Variants in MCPH1 observed in about 807,000 individuals in gnomAD.
MCPH1 encodes microcephalin.
Under a neutral mutation model 84.5 loss-of-function variants are expected in MCPH1, and 104 were observed. The ratio of observed to expected loss-of-function variants is 1.23; its 90% confidence interval spans 1.05 to 1.45. The LOEUF (loss-of-function observed/expected upper bound fraction) is 1.45. Among genes scored for constraint, MCPH1 ranks in the 40% most tolerant of loss-of-function variants. The pLI is 0.00. For synonymous variants in MCPH1, 514 were observed against 366.8 expected, an observed-to-expected ratio of 1.40 and a Z score of -4.58; for missense variants, 1,498 against 1,005.7, an observed-to-expected ratio of 1.49 and a Z score of -6.62.
chr8:6,611,599 A>G (rs1294114430), intron 12 of MCPH1, among the ~76,000 whole-genome samples: 1 of 150,794 alleles, frequency 6.6e-6, no homozygotes, highest in Admixed American at 6.6e-5. Context: ...AAAGCTCCTG[A>G]ACCCTTTAAC....
intron 4 of MCPH1, 81 bp downstream of exon 4, chr8:6,431,667 C>G (rs1426755825): frequency 5.3e-6 from 5 of 945,134 alleles, no homozygotes; most frequent in Non-Finnish European, 8.2e-6. Flanking sequence ...AATAAAACTT[C>G]TAGAAATATA....
At chr8:6,416,212 A>G (rs1194953654) in intron 3 of MCPH1, among the ~76,000 whole-genome samples, 1 of 152,130 alleles carries the variant, frequency 6.6e-6, no homozygotes, top group Non-Finnish European at 1.5e-5. Flanking sequence ...TTCTATATGC[A>G]ATGTTGTGTA....
At chr8:6,571,569 C>G (rs1422824266) in intron 12 of MCPH1, among the ~76,000 whole-genome samples, 3 of 151,984 alleles carry the variant, frequency 2.0e-5, no homozygotes, top group African/African-American at 7.3e-5. Flanking sequence ...CTTGTTTAAT[C>G]TAAATTTATA....
At chr8:6,567,040 G>C (rs1370805583) in intron 12 of MCPH1, among the ~76,000 whole-genome samples, 2 of 145,550 alleles carry the variant, frequency 1.4e-5, no homozygotes, top group East Asian at 4.3e-4. Context: ...GTGACCATGT[G>C]TGATCGGCAA....
At chr8:6,433,140 G>A (rs893610451) in intron 4 of MCPH1, among the ~76,000 whole-genome samples, 11 of 152,098 alleles carry the variant, frequency 7.2e-5, no homozygotes, top group African/African-American at 2.4e-4. Context: ...ACTCTACTCA[G>A]TTTTCTGTAT....
chr8:6,416,004 T>G (rs1311934646), intron 3 of MCPH1, among the ~76,000 whole-genome samples: 1 of 152,208 alleles, frequency 6.6e-6, no homozygotes, highest in Non-Finnish European at 1.5e-5. Flanking sequence ...AGTGTACAAG[T>G]TTTTTACCCC....
intron 13 of MCPH1, among the ~76,000 whole-genome samples, chr8:6,637,370 G>A (rs1797631424): frequency 6.6e-6 from 1 of 152,300 alleles, no homozygotes; most frequent in Non-Finnish European, 1.5e-5. Flanking sequence ...ATGAAGAGAA[G>A]GATGGACTCT....
At chr8:6,632,516 A>T (rs1179969903) in intron 13 of MCPH1, among the ~76,000 whole-genome samples, 1 of 152,182 alleles carries the variant, frequency 6.6e-6, no homozygotes, top group Non-Finnish European at 1.5e-5. Flanking sequence ...AAACAAGTAC[A>T]TAAAAATCTG....
chr8:6,610,792 G>T (rs1449319359), intron 12 of MCPH1, among the ~76,000 whole-genome samples: 1 of 151,912 alleles, frequency 6.6e-6, no homozygotes, highest in Non-Finnish European at 1.5e-5. Context: ...ACAACTTCAT[G>T]CCCATTTCCT....
intron 9 of MCPH1, among the ~76,000 whole-genome samples, chr8:6,463,259 G>C (rs980311394): frequency 6.6e-6 from 1 of 152,166 alleles, no homozygotes; most frequent in Non-Finnish European, 1.5e-5. Context: ...AGAAATGCCC[G>C]CTTGGGGGAT....
chr8:6,631,970 G>C (rs535233021), intron 13 of MCPH1, among the ~76,000 whole-genome samples: 2 of 152,302 alleles, frequency 1.3e-5, no homozygotes, highest in East Asian at 3.9e-4. Context: ...ACAAAATGTG[G>C]TCTATCCATA....
At chr8:6,585,397 C>T (rs1024363746) in intron 12 of MCPH1, among the ~76,000 whole-genome samples, 9 of 152,206 alleles carry the variant, frequency 5.9e-5, no homozygotes, top group African/African-American at 2.2e-4. Context: ...CAGCTGGAAG[C>T]GTGGCCTGGT....
intron 13 of MCPH1, among the ~76,000 whole-genome samples, chr8:6,637,337 G>A (rs1797629565): frequency 6.6e-6 from 1 of 152,206 alleles, no homozygotes; most frequent in African/African-American, 2.4e-5. Flanking sequence ...CAGGTGAGTG[G>A]CATTTGAGCT....
At chr8:6,536,057 A>G (rs535316584) in intron 12 of MCPH1, among the ~76,000 whole-genome samples, 16 of 152,226 alleles carry the variant, frequency 1.1e-4, no homozygotes, top group Non-Finnish European at 2.4e-4. Context: ...ACCTTGTCTC[A>G]AAAAAAGAAA....
At chr8:6,598,680 C>A (rs1038265781) in intron 12 of MCPH1, among the ~76,000 whole-genome samples, 7 of 152,266 alleles carry the variant, frequency 4.6e-5, no homozygotes, top group African/African-American at 1.7e-4. Flanking sequence ...CGGCGGGCGG[C>A]TTCACGACAG....
At chr8:6,525,500 G>C (rs563643861) in intron 12 of MCPH1, among the ~76,000 whole-genome samples, 6 of 152,278 alleles carry the variant, frequency 3.9e-5, no homozygotes, top group Admixed American at 2.6e-4. Flanking sequence ...AAAGTGCTGG[G>C]ATTATAGGCA....
intron 7 of MCPH1, among the ~76,000 whole-genome samples, 190 bp from the exon 8 acceptor site, chr8:6,444,203 C>G (rs1803923565): frequency 1.3e-5 from 2 of 152,150 alleles, no homozygotes; most frequent in South Asian, 4.2e-4. Context: ...CCATCAAAGC[C>G]CAGGTTCTCT....
chr8:6,480,768 A>G lies in MCPH1; in HGVS notation c.2028A>G (p.Ala676=). ...ATAAATTGAAAGGCTTTTCAATTGC[A>G]CCAGACGTCTGTGAGACCACGACTC... ...VVDKLKGFSI[A]PDVCETTTHV... is the part of the protein sequence containing the mutation. Residue 676 remains alanine (A), a synonymous_variant, in exon 11 of 14, where the codon GCA becomes GCG. Transcript: ENST00000344683. The G allele has an allele frequency of 1.9e-6, 3 of 1,614,198 alleles. No individual in the cohort carries two copies. Among genetic ancestry groups the G allele is most frequent in the Non-Finnish European group, 2.5e-6 (3 of 1,180,024 alleles).
At chr8:6,488,229 G>A (rs964603339) in intron 11 of MCPH1, among the ~76,000 whole-genome samples, 5 of 152,222 alleles carry the variant, frequency 3.3e-5, no homozygotes, top group African/African-American at 1.2e-4. Flanking sequence ...CCTGTCTGCT[G>A]CTCCTGGCAA....
Sources: allele counts gnomAD v4.1 joint callset (sites outside exome capture counted in the v4.1 genomes callset), GRCh38; gene constraint gnomAD v4.1.1; transcripts MANE v1.5; gene names NCBI Gene and HGNC (gene_info 2026-07-23, HGNC 2026-07-21).